TTC28: variants seen among roughly 807,000 people sequenced by gnomAD.
TTC28 encodes tetratricopeptide repeat protein 28.
Under a neutral mutation model 198.0 loss-of-function variants are expected in TTC28, and 61 were observed. That is an observed-to-expected ratio of 0.31 (90% CI 0.25 to 0.38). The LOEUF is 0.38. Among genes scored for constraint, TTC28 ranks in the 10% least tolerant of loss-of-function variants. The pLI, the probability that TTC28 is intolerant of heterozygous loss-of-function variation, is 1.00. For synonymous variants in TTC28, 1,171 were observed against 1,297.8 expected, an observed-to-expected ratio of 0.90 and a Z score of 2.10; for missense variants, 2,678 against 3,164.0, an observed-to-expected ratio of 0.85 and a Z score of 3.69.
At chr22:28,472,952 T>G (rs1239958831) in intron 2 of TTC28, among the ~76,000 whole-genome samples, 1 of 152,170 alleles carries the variant, frequency 6.6e-6, no homozygotes, top group Non-Finnish European at 1.5e-5. Flanking sequence ...AGAATGGCTT[T>G]AGACTTCTCA....
At chr22:28,623,807 T>C (rs995106512) in intron 2 of TTC28, among the ~76,000 whole-genome samples, 10 of 152,064 alleles carry the variant, frequency 6.6e-5, no homozygotes, top group Non-Finnish European at 2.9e-5. Flanking sequence ...GGATCAATAA[T>C]GTGTTTACAA....
chr22:28,671,236 C>T (rs2051875857), intron 1 of TTC28, among the ~76,000 whole-genome samples: 1 of 152,128 alleles, frequency 6.6e-6, no homozygotes, highest in South Asian at 2.1e-4. Flanking sequence ...TGAACCACCT[C>T]AACCGGCCTG....
chr22:28,152,314 C>A (rs968797653), intron 6 of TTC28, among the ~76,000 whole-genome samples: 1 of 152,156 alleles, frequency 6.6e-6, no homozygotes, highest in Non-Finnish European at 1.5e-5. Context: ...GCCCATAACT[C>A]TTCTAGTGGT....
At chr22:28,495,067 G>A (rs945467546) in intron 2 of TTC28, among the ~76,000 whole-genome samples, 17 of 151,986 alleles carry the variant, frequency 1.1e-4, no homozygotes, top group African/African-American at 3.4e-4. Context: ...GGTGGAAAAT[G>A]AGAGAGATAT....
In TTC28 at chr22:27,978,792, A is replaced by G. The variant is rs1936926598; in HGVS notation, c.*3429T>C. On this transcript the variant is annotated 3_prime_UTR_variant, in exon 23 of 23. Transcript: ENST00000397906. ...GTTGAGTCATTTACTGGAGAGAATT[A>G]AGAAAGCTTTGACTCCCTTGCTCTG... is the stretch of plus-strand genomic sequence containing the variant. 6.6e-6 allele frequency: 1 copy of G among 152,248 alleles called. No individual in the cohort carries two copies. The highest frequency in any genetic ancestry group is 1.5e-5 in the Non-Finnish European group (1 of 68,046). The allele number at this position is 152,248 out of a possible 1,614,324, so 9.4% of individuals were successfully genotyped here.
intron 1 of TTC28, among the ~76,000 whole-genome samples, chr22:28,661,795 T>TG (rs1164441504): frequency 2.6e-5 from 4 of 152,248 alleles, no homozygotes; most frequent in Admixed American, 6.5e-5. Context: ...TTAGTGGAGA[T>TG]GGGGTCTCAC....
At chr22:28,158,733 C>T (rs1601401358) in intron 6 of TTC28, among the ~76,000 whole-genome samples, 1 of 152,182 alleles carries the variant, frequency 6.6e-6, no homozygotes, top group Non-Finnish European at 1.5e-5. Flanking sequence ...AACTAGACCC[C>T]TATCCCTTGT....
At chr22:28,159,394 GC>G (rs1268972353) in intron 6 of TTC28, among the ~76,000 whole-genome samples, 1 of 152,154 alleles carries the variant, frequency 6.6e-6, no homozygotes, top group Non-Finnish European at 1.5e-5. Context: ...GGTGGCTCAT[GC>G]CTGTAATCCC....
intron 2 of TTC28, among the ~76,000 whole-genome samples, chr22:28,335,263 T>C (rs746835209): frequency 1.6e-4 from 25 of 152,204 alleles, no homozygotes; most frequent in Non-Finnish European, 3.1e-4. Context: ...TGTAGCCTTG[T>C]AGTATAGTTG....
chr22:28,143,227 G>A (rs1325065923), intron 6 of TTC28, among the ~76,000 whole-genome samples: 1 of 152,058 alleles, frequency 6.6e-6, no homozygotes, highest in Non-Finnish European at 1.5e-5. Flanking sequence ...CTTTGTGAAC[G>A]GAAGAATGAC....
chr22:28,405,326 CT>C (rs1414045595), intron 2 of TTC28, among the ~76,000 whole-genome samples: 1 of 152,144 alleles, frequency 6.6e-6, no homozygotes, highest in Non-Finnish European at 1.5e-5. Flanking sequence ...TTGTCATTCA[CT>C]CAACAAATAT....
intron 21 of TTC28, 133 bp downstream of exon 21, chr22:27,989,745 C>A: frequency 1.6e-6 from 2 of 1,223,968 alleles, no homozygotes; most frequent in Non-Finnish European, 2.2e-6. Flanking sequence ...CTGTACCCAG[C>A]CTGAGTTAAC....
chr22:28,117,275 G>A lies in TTC28; in HGVS notation c.1442-8872C>T, dbSNP rs1942658751. ...AGTGTGTTGCCCCTAAGGATTGCAT[G>A]GACCTGTGGTAGGCTTTGTATGAAT... On this transcript the variant is annotated intron_variant, in intron 6 of 22. Transcript: ENST00000397906. Among the ~76,000 whole-genome samples, 3 of 152,188 alleles carry A rather than the reference G, an allele frequency of 2.0e-5. No individual in the cohort carries two copies. The South Asian group carries it at 6.2e-4, about 32-fold the overall frequency.
chr22:28,356,984 TATAATA>T (rs373387352), intron 2 of TTC28, among the ~76,000 whole-genome samples: 5 of 152,170 alleles, frequency 3.3e-5, no homozygotes, highest in South Asian at 2.1e-4. Flanking sequence ...GGCCATGCTA[TATAATA>T]ATAATAATAA....
intron 1 of TTC28, among the ~76,000 whole-genome samples, chr22:28,657,922 G>C (rs1015933804): frequency 2.0e-5 from 3 of 151,824 alleles, no homozygotes; most frequent in African/African-American, 7.3e-5. Context: ...AATATGCTGG[G>C]GTTGAAAATA....
chr22:28,155,584 G>C (rs936940862), intron 6 of TTC28, among the ~76,000 whole-genome samples: 1 of 152,268 alleles, frequency 6.6e-6, no homozygotes, highest in Non-Finnish European at 1.5e-5. Context: ...ATGGTATTTG[G>C]GATAATCCTA....
At position 28,107,487 on chromosome 22, in the gene TTC28, C is replaced by G; in HGVS notation, c.2358G>C (p.Glu786Asp). The G allele has an allele frequency of 6.4e-7, 1 of 1,551,792 alleles. No individual in the cohort carries two copies. The highest frequency in any genetic ancestry group is 8.7e-7 in the Non-Finnish European group (1 of 1,147,012). Residue 786 changes from glutamate to aspartate, a missense_variant, in exon 7 of 23, where the codon GAG (glutamate) becomes GAC (aspartate). Physicochemically the swap from Glu to Asp is conservative, Grantham distance 45. Around this residue, in one of 8 missense-constraint regions of TTC28, gnomAD observed 775 missense variants for 845.9 expected, o/e 0.92. Coordinates refer to ENST00000397906, the MANE Select transcript of TTC28 (RefSeq NM_001145418.2). ...TGCACTCCCCTGGCAAGTCACTCAGCTCCTGATATACCTCCAGTTCCTGTG... is the reference window on the plus strand; with the variant it reads ...TGCACTCCCCTGGCAAGTCACTCAGGTCCTGATATACCTCCAGTTCCTGTG... ...YHTQELEVYQ[E>D]LSDLPGECRA... is the part of the protein sequence containing the mutation.
At chr22:28,533,013 C>A (rs1474860944) in intron 2 of TTC28, among the ~76,000 whole-genome samples, 2 of 152,186 alleles carry the variant, frequency 1.3e-5, no homozygotes, top group East Asian at 3.9e-4. Flanking sequence ...GGGATGCCCT[C>A]TCTCACAACT....
chr22:28,177,674 T>C (rs775758876), intron 5 of TTC28, among the ~76,000 whole-genome samples: 1 of 152,204 alleles, frequency 6.6e-6, no homozygotes, highest in Non-Finnish European at 1.5e-5. Context: ...TATTCAGGGC[T>C]AAAAACAATG....
Sources: allele counts gnomAD v4.1 joint callset (sites outside exome capture counted in the v4.1 genomes callset), GRCh38; gene constraint gnomAD v4.1.1; regional missense constraint gnomAD v4.1.1; transcripts MANE v1.5; gene names NCBI Gene and HGNC (gene_info 2026-07-23, HGNC 2026-07-21).